FH: variants seen among roughly 807,000 people sequenced by gnomAD.
The protein encoded by FH is fumarate hydratase, mitochondrial.
In FH, 22 loss-of-function variants were observed where a neutral mutation model predicts 49.4. The ratio of observed to expected loss-of-function variants is 0.45; its 90% CI spans 0.32 to 0.64. The LOEUF is 0.64. FH is among the 30% of genes least tolerant of loss of function. The pLI is 0.05. For missense variants in FH, 526 were observed against 641.5 expected (o/e 0.82, Z 1.95); for synonymous variants, 208 against 223.0 (o/e 0.93, Z 0.60).
At chr1:241,518,060 T>C (rs1249741101) in intron 1 of FH, among the ~76,000 whole-genome samples, 1 of 152,214 alleles carries the variant, frequency 6.6e-6, no homozygotes, top group African/African-American at 2.4e-5. Context: ...TGGAAGGCAC[T>C]CAATAAACAG....
At chr1:241,507,871 T>C (rs1659969498) in intron 5 of FH, among the ~76,000 whole-genome samples, 1 of 152,202 alleles carries the variant, frequency 6.6e-6, no homozygotes, top group South Asian at 2.1e-4. Flanking sequence ...ATAAGGAAAT[T>C]AAGCTACCCC....
intron 2 of FH, 98 bp downstream of exon 2, chr1:241,517,082 CTT>C (rs1660238530): frequency 4.1e-6 from 6 of 1,454,894 alleles, no homozygotes; most frequent in Non-Finnish European, 4.8e-6. Flanking sequence ...TTTCTAATAA[CTT>C]TACATTTTAA....
intron 1 of FH, chr1:241,519,313 C>T (rs1047566349): frequency 2.5e-6 from 1 of 402,180 alleles, no homozygotes; most frequent in Non-Finnish European, 4.4e-6. Context: ...CCGCCACGGA[C>T]GGCTCCGAGG....
chr1:241,511,156 A>G (rs527614130), intron 4 of FH, among the ~76,000 whole-genome samples: 1 of 152,320 alleles, frequency 6.6e-6, no homozygotes, highest in African/African-American at 2.4e-5. Context: ...CAAGGTGATT[A>G]GTTCATAGGG....
intron 7 of FH, among the ~76,000 whole-genome samples, chr1:241,503,388 T>A (rs142582166): frequency 6.6e-6 from 1 of 152,238 alleles, no homozygotes. Flanking sequence ...CAAGCTACAG[T>A]GGCCTTTATG....
Position 241,500,560 on chromosome 1 carries a change from G to A in FH, c.1267C>T (p.Leu423=), listed in dbSNP as rs1291624811. 1 of 1,609,322 alleles carries A rather than the reference G, an allele frequency of 6.2e-7. No homozygotes were observed. The highest frequency in any genetic ancestry group is 8.5e-7 in the Non-Finnish European group (1 of 1,178,620). ...IKNVLHSARL[L]GDASVSFTEN... ...GTAAAGGAAACTGAAGCATCCCCCA[G>A]CAGCCTGGCTGAGTGTAACACATTT... The change falls in exon 9 of 10, where the codon CTG becomes TTG. Residue 423 remains leucine, a synonymous_variant. Coordinates refer to ENST00000366560, the MANE Select transcript of FH (RefSeq NM_000143.4).
chr1:241,518,845 T>C (rs942957556), intron 1 of FH, among the ~76,000 whole-genome samples: 1 of 152,270 alleles, frequency 6.6e-6, no homozygotes, highest in Non-Finnish European at 1.5e-5. Flanking sequence ...TGTCATAACC[T>C]GAACTTGGAT....
Position 241,508,594 on chromosome 1 carries a change from C to T in FH, c.738+9G>A, listed in dbSNP as rs1443246780. On this transcript the variant is annotated intron_variant, in intron 5 of 9. Coordinates refer to ENST00000366560, the MANE Select transcript of FH (RefSeq NM_000143.4). The stretch of plus-strand genomic sequence containing the variant: ...TCTAAATTGAATCAAATTAGTCAAA[C>T]TCCTATACCTGCCCAAGAGTAAGTG... The T allele has an allele frequency of 6.2e-7, 1 of 1,610,390 alleles. No homozygotes were observed. Among genetic ancestry groups the T allele is most frequent in the Non-Finnish European group, 8.5e-7 (1 of 1,176,660 alleles).
At chr1:241,516,801 C>T (rs1431906369) in intron 2 of FH, among the ~76,000 whole-genome samples, 11 of 151,876 alleles carry the variant, frequency 7.2e-5, no homozygotes, top group African/African-American at 1.9e-4. Flanking sequence ...TACAGGCGCG[C>T]GCCACCGTGC....
At chr1:241,502,688 T>C (rs1258471582) in intron 7 of FH, 118 bp from the exon 8 acceptor site, 1 of 1,229,924 alleles carries the variant, frequency 8.1e-7, no homozygotes, top group South Asian at 1.3e-5. Context: ...GGCCCAACCA[T>C]CAGTGTAATT....
chr1:241,517,129 G>T, intron 2 of FH, 53 bp downstream of exon 2: 1 of 1,608,454 alleles, frequency 6.2e-7, no homozygotes, highest in Non-Finnish European at 8.5e-7. Flanking sequence ...AGTGACTCAT[G>T]AATACAGCCT....
At chr1:241,503,866 C>T (rs1659843856) in intron 7 of FH, among the ~76,000 whole-genome samples, 176 bp downstream of exon 7, 1 of 152,260 alleles carries the variant, frequency 6.6e-6, no homozygotes, top group African/African-American at 2.4e-5. Flanking sequence ...TTCTTCCTAT[C>T]TTGTCAGGTG....
chr1:241,514,733 G>A (rs1033844539), intron 2 of FH, among the ~76,000 whole-genome samples: 2 of 152,092 alleles, frequency 1.3e-5, no homozygotes, highest in Non-Finnish European at 2.9e-5. Flanking sequence ...AGGAAAACCA[G>A]AAAATTTGAA....
intron 2 of FH, among the ~76,000 whole-genome samples, chr1:241,516,124 G>A (rs1260332400): frequency 6.6e-6 from 1 of 152,016 alleles, no homozygotes; most frequent in Non-Finnish European, 1.5e-5. Context: ...AATGAGTATT[G>A]AAATAAAAAT....
At position 241,500,534 on chromosome 1, in the gene FH, T is replaced by C. The variant is rs772800627; in HGVS notation, c.1293A>G (p.Thr431=). ...RLLGDASVSF[T]ENCVVGIQAN... is the part of the protein sequence containing the mutation. ...CCTGGATTCCCACCACGCAGTTTTC[T>C]GTAAAGGAAACTGAAGCATCCCCCA... The change falls in exon 9 of 10, where the codon ACA becomes ACG. Residue 431 remains threonine, a synonymous_variant. Transcript: ENST00000366560. 4.3e-6 allele frequency: 7 copies of C among 1,613,530 alleles called. No individual in the cohort carries two copies. Among genetic ancestry groups the C allele is most frequent in the Non-Finnish European group, 5.9e-6 (7 of 1,179,920 alleles).
intron 4 of FH, among the ~76,000 whole-genome samples, chr1:241,511,388 G>A (rs549906927): frequency 6.6e-6 from 1 of 152,312 alleles, no homozygotes; most frequent in East Asian, 1.9e-4. Context: ...TCAGTCTATT[G>A]TATTTTATTA....
In FH at chr1:241,503,744, T is replaced by A. The variant is rs564219811; in HGVS notation, c.1108+298A>T. 2.0e-5 allele frequency among the ~76,000 whole-genome samples: 3 copies of A among 152,362 alleles called. No individual in the cohort carries two copies. In the South Asian group the frequency reaches 6.2e-4, roughly 32 times the overall value. Reference sequence around the variant, plus strand: ...ATATAACGGAATGCAAAAAATGAAATAAGTGAAGTTTGGTATGACTTCTTT... The same window carrying A: ...ATATAACGGAATGCAAAAAATGAAAAAAGTGAAGTTTGGTATGACTTCTTT... On this transcript the variant is annotated intron_variant, in intron 7 of 9. Transcript: ENST00000366560.
In FH at chr1:241,504,250, A is replaced by G. The variant is rs886046318; in HGVS notation, c.905-5T>C. The stretch of plus-strand genomic sequence containing the variant: ...GAGCAGTGACAAAAGGCAAGCCTAA[A>G]GAAAAGAAAAATATCCTAGATGGGT... On this transcript the variant is annotated splice_region_variant and splice_polypyrimidine_tract_variant and intron_variant, in intron 6 of 9. Coordinates refer to ENST00000366560, the MANE Select transcript of FH (RefSeq NM_000143.4). The G allele has an allele frequency of 6.2e-7, 1 of 1,613,752 alleles. No individual in the cohort carries two copies. The highest frequency in any genetic ancestry group is 2.2e-5 in the East Asian group (1 of 44,888).
chr1:241,506,219 C>T, intron 5 of FH, 51 bp from the exon 6 acceptor site: 1 of 1,363,516 alleles, frequency 7.3e-7, no homozygotes. Context: ...TAATAGCTTA[C>T]AAGTTACTCT....
Sources: gnomAD v4.1 joint callset for allele counts (sites outside exome capture counted in the v4.1 genomes callset) on GRCh38, gnomAD v4.1.1 for gene constraint, MANE v1.5 for transcripts, NCBI Gene and HGNC (gene_info 2026-07-23, HGNC 2026-07-21) for gene names.